The following SLC25A26 variants were observed in gnomAD, a reference collection of about 807,000 sequenced individuals.
The protein encoded by SLC25A26 is mitochondrial S-adenosylmethionine carrier protein.
SLC25A26 carries 36 observed loss-of-function variants against 37.8 expected under a neutral mutation model. The observed-to-expected ratio is 0.95, with a 90% CI of 0.73 to 1.26. The LOEUF is 1.26. Ranked by LOEUF, SLC25A26 falls within the 50% of genes most tolerant of loss-of-function variation. The pLI, the probability that SLC25A26 is intolerant of heterozygous loss-of-function variation, is 0.00. For synonymous variants in SLC25A26, 129 were observed against 122.5 expected (o/e 1.05, Z -0.35); for missense variants, 390 against 331.1 (o/e 1.18, Z -1.38).
intron 5 of SLC25A26, among the ~76,000 whole-genome samples, chr3:66,280,480 G>C (rs949082412): frequency 3.3e-5 from 5 of 152,242 alleles, no homozygotes; most frequent in African/African-American, 1.2e-4. Flanking sequence ...TTTAATACCA[G>C]TGAGAAAGCT....
chr3:66,159,056 C>A (rs1432435345), intron 1 of SLC25A26, among the ~76,000 whole-genome samples: 2 of 152,134 alleles, frequency 1.3e-5, no homozygotes. Flanking sequence ...TGGGAGCCCT[C>A]ATCAAATAGC....
chr3:66,194,590 C>T (rs1034908106), intron 1 of SLC25A26, among the ~76,000 whole-genome samples: 1 of 152,178 alleles, frequency 6.6e-6, no homozygotes. Flanking sequence ...TCTCTAGGGT[C>T]CTTATTCTGC....
intron 6 of SLC25A26, among the ~76,000 whole-genome samples, chr3:66,353,237 G>C (rs74843922): frequency 0.024 from 3,636 of 152,134 alleles, 75 homozygotes; most frequent in Middle Eastern, 0.11. Context: ...TTTTAGTGAT[G>C]ATAACAACCA....
chr3:66,236,384 G>A lies in SLC25A26; in HGVS notation c.34-160G>A, dbSNP rs36169063. 0.052 allele frequency: 9,119 copies of A among 176,754 alleles called. 518 individuals carry two copies. Among genetic ancestry groups the A allele is most frequent in the Admixed American group, 0.15 (2,274 of 15,280 alleles). 10.9% of individuals were successfully genotyped at this position (176,754 alleles called of 1,614,324 possible). A position where few individuals can be genotyped will look rare whatever the true frequency, so the allele number is the denominator to read the frequency against. On this transcript the variant is annotated intron_variant, in intron 1 of 9. Transcript: ENST00000354883. ...GGCTATTTTCCCAGGAAAACTTGTA[G>A]ATTTAGGCTGACGGTCCTTTGTGCC...
intron 5 of SLC25A26, among the ~76,000 whole-genome samples, chr3:66,277,468 T>C (rs995230151): frequency 7.9e-5 from 12 of 151,988 alleles, no homozygotes; most frequent in African/African-American, 2.9e-4. Context: ...GTTCAAAGGG[T>C]ACAAATTGTC....
intron 6 of SLC25A26, 111 bp downstream of exon 6, chr3:66,346,519 T>C (rs1036871634): frequency 3.9e-6 from 2 of 514,654 alleles, no homozygotes; most frequent in Non-Finnish European, 6.6e-6. Flanking sequence ...AACTCAAACC[T>C]ATTAGCAGTT....
At chr3:66,222,402 G>C (rs536344841) in intron 1 of SLC25A26, among the ~76,000 whole-genome samples, 6 of 152,088 alleles carry the variant, frequency 3.9e-5, no homozygotes. Flanking sequence ...GGATGGTCTC[G>C]ATCTCCTGAC....
chr3:66,219,865 C>G (rs2106857501), upstream of SLC25A26, among the ~76,000 whole-genome samples: 1 of 152,302 alleles, frequency 6.6e-6, no homozygotes, highest in South Asian at 2.1e-4. Context: ...GACAAAGTGA[C>G]TATCATTATC....
chr3:66,138,428 T>C (rs182564959), intron 1 of SLC25A26, among the ~76,000 whole-genome samples: 1 of 152,294 alleles, frequency 6.6e-6, no homozygotes, highest in African/African-American at 2.4e-5. Flanking sequence ...GAGATCCTAG[T>C]ACACATGCAA....
chr3:66,369,463 GTAT>G lies in SLC25A26; in HGVS notation c.569-10_569-8del, dbSNP rs1222348611. 3 of 1,596,518 alleles carry G rather than the reference GTAT, an allele frequency of 1.9e-6. No individual in the cohort carries two copies. The highest frequency in any genetic ancestry group is 2.6e-6 in the Non-Finnish European group (3 of 1,171,240). On this transcript the variant is annotated splice_polypyrimidine_tract_variant and intron_variant, in intron 7 of 9. Transcript: ENST00000354883. ...AAACAGGATCTCACTTGGGTGTTGG[GTAT>G]TATTTGTACAGGTGGATTTGCCGCT...
chr3:66,325,442 TC>T (rs1192952125), intron 5 of SLC25A26, among the ~76,000 whole-genome samples: 1 of 152,230 alleles, frequency 6.6e-6, no homozygotes. Flanking sequence ...TGCTTTTGCC[TC>T]TTGCCTAGTT....
At chr3:66,188,148 A>T (rs2070866462) in intron 1 of SLC25A26, among the ~76,000 whole-genome samples, 1 of 151,770 alleles carries the variant, frequency 6.6e-6, no homozygotes. Flanking sequence ...ATGTATCATG[A>T]CCTCACCATG....
At chr3:66,315,554 T>G (rs1377009987) in intron 5 of SLC25A26, among the ~76,000 whole-genome samples, 1 of 152,142 alleles carries the variant, frequency 6.6e-6, no homozygotes, top group Non-Finnish European at 1.5e-5. Context: ...GCGATCAGTT[T>G]TAGAGTGCCA....
chr3:66,166,137 C>T (rs1487688628), intron 1 of SLC25A26, among the ~76,000 whole-genome samples: 5 of 152,174 alleles, frequency 3.3e-5, no homozygotes, highest in South Asian at 4.1e-4. Context: ...TTTCTGCCAA[C>T]GTGGAAGGTC....
rs2071042225 is a variant in SLC25A26, at chr3:66,196,184, A to G, written c.-353-24558A>G. ...TAGACATAAGGAAAACCCAGGGGAC[A>G]GAAAGTTTAAAACCATCCAACTTAT... On this transcript the variant is annotated intron_variant, in intron 1 of 10. Coordinates refer to the SLC25A26 transcript ENST00000676754. 2.0e-5 allele frequency among the ~76,000 whole-genome samples: 3 copies of G among 152,352 alleles called. No homozygotes were observed. The South Asian group carries it at 6.2e-4, about 32-fold the overall frequency.
intron 1 of SLC25A26, among the ~76,000 whole-genome samples, chr3:66,152,402 G>A (rs900608874): frequency 6.6e-6 from 1 of 152,176 alleles, no homozygotes; most frequent in Admixed American, 6.5e-5. Context: ...AAAAAATAAG[G>A]GTGATTTATT....
At chr3:66,366,144 A>G (rs1001703419) in intron 7 of SLC25A26, among the ~76,000 whole-genome samples, 7 of 152,212 alleles carry the variant, frequency 4.6e-5, no homozygotes, top group African/African-American at 1.7e-4. Flanking sequence ...TTCAGTACAA[A>G]CCTAACTCCA....
At chr3:66,282,738 T>C (rs954750993) in intron 5 of SLC25A26, among the ~76,000 whole-genome samples, 1 of 152,230 alleles carries the variant, frequency 6.6e-6, no homozygotes, top group Non-Finnish European at 1.5e-5. Flanking sequence ...TTTCCGGTGT[T>C]CAGTGCTGTG....
At chr3:66,167,083 G>A (rs1485676815) in intron 1 of SLC25A26, among the ~76,000 whole-genome samples, 1 of 152,178 alleles carries the variant, frequency 6.6e-6, no homozygotes, top group East Asian at 1.9e-4. Context: ...GCCACGTGGA[G>A]CTGTGACTCC....
Sources: allele counts gnomAD v4.1 joint callset (sites outside exome capture counted in the v4.1 genomes callset), GRCh38; gene constraint gnomAD v4.1.1; transcripts MANE v1.5; gene names NCBI Gene and HGNC (gene_info 2026-07-23, HGNC 2026-07-21).